CCDC171: variants seen among roughly 807,000 people sequenced by gnomAD.
CCDC171 encodes coiled-coil domain-containing protein 171.
CCDC171 carries 177 observed loss-of-function variants against 168.2 expected under a neutral mutation model. The ratio of observed to expected loss-of-function variants is 1.05; its 90% CI spans 0.93 to 1.19. CCDC171 has a LOEUF of 1.19. Ranked by LOEUF, CCDC171 falls within the 50% of genes most tolerant of loss-of-function variation. The pLI, the probability that CCDC171 is intolerant of heterozygous loss-of-function variation, is 0.00. For missense variants in CCDC171, 1,991 were observed against 1,539.0 expected, an observed-to-expected ratio of 1.29 and a Z score of -4.91; for synonymous variants, 687 against 540.8, an observed-to-expected ratio of 1.27 and a Z score of -3.75.
chr9:15,745,040 C>T (rs2134662213), intron 17 of CCDC171, among the ~76,000 whole-genome samples: 1 of 152,202 alleles, frequency 6.6e-6, no homozygotes, highest in South Asian at 2.1e-4. Context: ...AGATTTGAAT[C>T]CTCTGCAGTA....
intron 3 of CCDC171, among the ~76,000 whole-genome samples, chr9:15,991,346 A>T (rs1221200575): frequency 6.6e-6 from 1 of 151,834 alleles, no homozygotes; most frequent in Non-Finnish European, 1.5e-5. Flanking sequence ...ACATAATGAA[A>T]TGAAGGCAGA....
intron 9 of CCDC171, among the ~76,000 whole-genome samples, chr9:15,671,387 T>C (rs991024521): frequency 2.6e-5 from 4 of 152,020 alleles, no homozygotes; most frequent in Non-Finnish European, 5.9e-5. Context: ...CTAGGATACA[T>C]GTATACAACG....
At chr9:15,776,090 T>C (rs970926466) in intron 18 of CCDC171, 4 of 152,186 alleles carry the variant, frequency 2.6e-5, no homozygotes, top group African/African-American at 9.6e-5. Context: ...CAGTGTTCTG[T>C]GTTATATATT....
intron 3 of CCDC171, among the ~76,000 whole-genome samples, chr9:15,994,925 C>A (rs1269375637): frequency 6.6e-6 from 1 of 152,156 alleles, no homozygotes; most frequent in East Asian, 1.9e-4. Flanking sequence ...AATTTTTCTC[C>A]TTCAAAGTGG....
At chr9:16,068,891 G>A in the CCDC171 span, among the ~76,000 whole-genome samples, 3 of 152,196 alleles carry the variant, frequency 2.0e-5, no homozygotes, top group African/African-American at 4.8e-5. Flanking sequence ...GAGGGGTCCC[G>A]CCTGCCTCCT....
chr9:15,871,331 T>C (rs778075312), intron 23 of CCDC171, among the ~76,000 whole-genome samples: 2 of 151,796 alleles, frequency 1.3e-5, no homozygotes, highest in Admixed American at 6.6e-5. Flanking sequence ...AGAATCTTGA[T>C]TATAGGATGA....
chr9:15,642,358 T>TATATATATATATATAC (rs1226568347), intron 7 of CCDC171, among the ~76,000 whole-genome samples: 3 of 42,056 alleles, frequency 7.1e-5, no homozygotes, highest in African/African-American at 1.8e-4. Flanking sequence ...TATATATATA[T>TATATATATATATATAC]ATATATATAT....
At chr9:15,616,364 G>A (rs1388475594) in intron 6 of CCDC171, among the ~76,000 whole-genome samples, 2 of 152,144 alleles carry the variant, frequency 1.3e-5, no homozygotes, top group East Asian at 3.8e-4. Context: ...GATTACAGGA[G>A]TGAGCCACTA....
chr9:15,582,610 G>C (rs531419175), intron 4 of CCDC171, among the ~76,000 whole-genome samples: 2 of 152,202 alleles, frequency 1.3e-5, no homozygotes, highest in Admixed American at 6.5e-5. Context: ...CCATAAAAAA[G>C]GATGAGTTCA....
At chr9:15,841,248 A>G (rs2060668946) in intron 21 of CCDC171, among the ~76,000 whole-genome samples, 1 of 152,096 alleles carries the variant, frequency 6.6e-6, no homozygotes, top group Non-Finnish European at 1.5e-5. Flanking sequence ...AATTTTAAAA[A>G]TTATACGTAT....
intron 2 of CCDC171, 99 bp downstream of exon 2, chr9:15,564,228 G>A: frequency 1.2e-6 from 1 of 813,456 alleles, no homozygotes; most frequent in Non-Finnish European, 2.0e-6. Context: ...AATTCTCATG[G>A]GATGGTAAGG....
intron 24 of CCDC171, among the ~76,000 whole-genome samples, chr9:15,911,213 T>C (rs1823582187): frequency 6.6e-6 from 1 of 152,234 alleles, no homozygotes. Context: ...ATGTGTTGTT[T>C]CCTGACTTTT....
chr9:15,910,502 T>G (rs922806239), intron 24 of CCDC171, among the ~76,000 whole-genome samples: 2 of 152,108 alleles, frequency 1.3e-5, no homozygotes, highest in Non-Finnish European at 2.9e-5. Flanking sequence ...GGTTATGTGA[T>G]GTCTCTAGCT....
At chr9:16,102,005 C>T in the CCDC171 span, among the ~76,000 whole-genome samples, 11 of 152,272 alleles carry the variant, frequency 7.2e-5, no homozygotes, top group South Asian at 2.1e-4. Flanking sequence ...TTTAAGCTGC[C>T]GAGTTTGTGG....
chr9:15,598,677 G>C (rs1564016905), intron 6 of CCDC171, among the ~76,000 whole-genome samples: 1 of 152,104 alleles, frequency 6.6e-6, no homozygotes, highest in Non-Finnish European at 1.5e-5. Flanking sequence ...ACTTGGTGCA[G>C]AGCTGAGTTC....
intron 21 of CCDC171, among the ~76,000 whole-genome samples, chr9:15,796,090 A>G (rs555079148): frequency 6.6e-6 from 1 of 152,374 alleles, no homozygotes; most frequent in Non-Finnish European, 1.5e-5. Context: ...GGTGGTAGAA[A>G]TACTAGAAGA....
At chr9:15,961,797 C>T (rs1339059345) in intron 25 of CCDC171, among the ~76,000 whole-genome samples, 1 of 152,068 alleles carries the variant, frequency 6.6e-6, no homozygotes, top group Admixed American at 6.6e-5. Context: ...AACGTACTTA[C>T]TGTAGGTAAT....
chr9:16,095,348 G>A, the CCDC171 span, among the ~76,000 whole-genome samples: 1 of 152,068 alleles, frequency 6.6e-6, no homozygotes, highest in East Asian at 1.9e-4. Context: ...AACTGCTCTG[G>A]GGAAGAATGC....
chr9:15,638,129 G>C (rs1453957036), intron 7 of CCDC171, among the ~76,000 whole-genome samples: 1 of 152,020 alleles, frequency 6.6e-6, no homozygotes, highest in African/African-American at 2.4e-5. Context: ...TCTGCTTTTG[G>C]AGAACTTGAA....
Sources: allele counts gnomAD v4.1 joint callset (sites outside exome capture counted in the v4.1 genomes callset), GRCh38; gene constraint gnomAD v4.1.1; transcripts MANE v1.5; gene names NCBI Gene and HGNC (gene_info 2026-07-23, HGNC 2026-07-21).